The following LAMA5 variants were observed in gnomAD, a reference collection of about 807,000 sequenced individuals.
The protein encoded by LAMA5 is laminin subunit alpha 5, also known as laminin subunit alpha-5.
A neutral mutation model predicts 433.4 loss-of-function variants in LAMA5; 260 were observed. The ratio of observed to expected loss-of-function variants is 0.60; its 90% CI spans 0.54 to 0.66. The LOEUF is 0.66. Among genes scored for constraint, LAMA5 ranks in the 30% least tolerant of loss-of-function variants. The pLI, the probability that LAMA5 is intolerant of heterozygous loss-of-function variation, is 0.00. For synonymous variants in LAMA5, 2,620 were observed against 2,226.6 expected, an observed-to-expected ratio of 1.18 and a Z score of -4.97; for missense variants, 5,378 against 5,258.5, an observed-to-expected ratio of 1.02 and a Z score of -0.70.
rs1568933478 is a variant in LAMA5 at position 62,328,971 on chromosome 20, G to A, written c.4320C>T (p.Cys1440=). ...FYNNGARPCG[C]HEVGATGPTC... ...TGGGGCCTGTAGCACCTACTTCGTG[G>A]CAGCCACATGGACGGGCTCCGTTGT... is the stretch of plus-strand genomic sequence containing the variant. The change falls in exon 34 of 80, where the codon TGC becomes TGT. Residue 1440 remains cysteine, a synonymous_variant. Transcript: ENST00000252999. 1 of 1,612,430 alleles carries A rather than the reference G, an allele frequency of 6.2e-7. No homozygotes were observed. The highest frequency in any genetic ancestry group is 2.2e-5 in the East Asian group (1 of 44,872).
In LAMA5 at chr20:62,322,716, TG is replaced by T; in HGVS notation, c.6106del (p.His2036ThrfsTer11). ...CGCCTTGCACAGGCAGTGCCCGCTG[TG>T]GGGGTCGCAGGCCTCTGTCCCACAT... is the stretch of plus-strand genomic sequence containing the variant. Reference protein sequence around the residue: ...TPCGTEACDPHSGHCLCKAGV... With the variant: ...TPCGTEACDPXSGHCLCKAGV... On this transcript the variant is annotated frameshift_variant, in exon 46 of 80. Coordinates refer to ENST00000252999, the MANE Select transcript of LAMA5 (RefSeq NM_005560.6). LOFTEE classifies it high-confidence loss of function. 6.5e-7 allele frequency: 1 copy of T among 1,542,252 alleles called. No homozygotes were observed. Among genetic ancestry groups the T allele is most frequent in the South Asian group, 1.2e-5 (1 of 82,578 alleles).
chr20:62,319,471 G>T (rs1197714757), intron 51 of LAMA5, among the ~76,000 whole-genome samples: 6 of 152,172 alleles, frequency 3.9e-5, no homozygotes, highest in African/African-American at 1.4e-4. Context: ...GGCTGTCGAG[G>T]GGTCTGACGT....
In LAMA5 at chr20:62,314,440, C is replaced by G; in HGVS notation, c.8368G>C (p.Ala2790Pro). 6.2e-7 allele frequency: 1 copy of G among 1,613,334 alleles called. No homozygotes were observed. The highest frequency in any genetic ancestry group is 8.5e-7 in the Non-Finnish European group (1 of 1,179,910). The change falls in exon 62 of 80, where the codon GCC becomes CCC. Residue 2790 changes from alanine to proline, a missense_variant and splice_region_variant. Ala to Pro is a conservative substitution (Grantham distance 27, BLOSUM62 -1). Coordinates refer to ENST00000252999, the MANE Select transcript of LAMA5 (RefSeq NM_005560.6). ...GACACACCCATGTAGTCCCCAGTGGCCTGCGGCAGTGACAGACACACAGTC... is the reference window on the plus strand; with the variant it reads ...GACACACCCATGTAGTCCCCAGTGGGCTGCGGCAGTGACAGACACACAGTC... ...RFVMYMGSRQATGDYMGVSLR... is the reference protein window; with the variant it reads ...RFVMYMGSRQPTGDYMGVSLR...
intron 58 of LAMA5, 81 bp from the exon 59 acceptor site, chr20:62,315,288 C>CAGCA: frequency 8.0e-7 from 1 of 1,244,218 alleles, no homozygotes; most frequent in Non-Finnish European, 1.1e-6. Flanking sequence ...TCTGTTGGGC[C>CAGCA]AGCAACAGGG....
In LAMA5 at chr20:62,364,732, T is replaced by C. The variant is rs377056860; in HGVS notation, c.298-2180A>G. On this transcript the variant is annotated intron_variant, in intron 1 of 79. Coordinates refer to ENST00000252999, the MANE Select transcript of LAMA5 (RefSeq NM_005560.6). ...GGCTGTGAGGGCCACAACCTCCCCCTGCCCTCTGCCTGCTCCAGCTGCCCA... is the reference window on the plus strand; with the variant it reads ...GGCTGTGAGGGCCACAACCTCCCCCCGCCCTCTGCCTGCTCCAGCTGCCCA... 2.9e-3 allele frequency among the ~76,000 whole-genome samples: 441 copies of C among 152,306 alleles called. 5 individuals are homozygous for C. The highest frequency in any genetic ancestry group is 0.017 in the Middle Eastern group (5 of 294).
rs572160011 is a variant in LAMA5 at position 62,313,529 on chromosome 20, C to G, written c.8659-69G>C. 6.4e-6 allele frequency: 10 copies of G among 1,557,616 alleles called. No individual in the cohort carries two copies. The Admixed American group carries it at 1.7e-4, about 26-fold the overall frequency. ...TCCCCTCCAGGATGGACCAAGGGGA[C>G]TTCAGACTACAGCAGGACGGACTGA... is the stretch of plus-strand genomic sequence containing the variant. On this transcript the variant is annotated intron_variant, in intron 63 of 79. Transcript: ENST00000252999.
At position 62,327,887 on chromosome 20, in the gene LAMA5, G is replaced by C. The variant is rs1208206059; in HGVS notation, c.4776C>G (p.Leu1592=). 1 of 1,610,896 alleles carries C rather than the reference G, an allele frequency of 6.2e-7. No individual in the cohort carries two copies. The highest frequency in any genetic ancestry group is 2.2e-5 in the East Asian group (1 of 44,878). The stretch of plus-strand genomic sequence containing the variant: ...TCACCTTACAGTAGCACTGCCCTGT[G>C]AGGGGGTCACACACGCCAGGCGCAG... ...AGTAPGVCDP[L]TGQCYCKENV... The change falls in exon 36 of 80, where the codon CTC becomes CTG. Residue 1592 remains leucine (L), a synonymous_variant. Transcript: ENST00000252999.
chr20:62,314,354 T>C lies in LAMA5; in HGVS notation c.8454A>G (p.Leu2818=). 1 of 1,613,296 alleles carries C rather than the reference T, an allele frequency of 6.2e-7. No individual in the cohort carries two copies. The highest frequency in any genetic ancestry group is 1.1e-5 in the South Asian group (1 of 91,080). The change falls in exon 62 of 80, where the codon CTA becomes CTG. Residue 2818 remains leucine, a synonymous_variant. Transcript: ENST00000252999. The part of the protein sequence containing the change: ...YQLGEAGPAV[L]SIDEDIGEQF... ...GCTCCCCAATGTCCTCATCGATGCT[T>C]AGGACTGCAGGGCCCGCCTCACCCA...
At chr20:62,320,534 C>T (rs770711754) in intron 50 of LAMA5, 25 bp downstream of exon 50, 8 of 1,550,836 alleles carry the variant, frequency 5.2e-6, no homozygotes, top group Non-Finnish European at 5.2e-6. Flanking sequence ...CCTCCCGGGG[C>T]CCTGGGGGGT....
At chr20:62,321,745 A>AGCAGAGGG (rs1352415058) in intron 48 of LAMA5, among the ~76,000 whole-genome samples, 4 of 16,612 alleles carry the variant, frequency 2.4e-4, no homozygotes, top group Non-Finnish European at 1.1e-4. Context: ...GGGTGGGGCC[A>AGCAGAGGG]GTGGAGGGGT....
chr20:62,342,643 C>G (rs535232671), intron 11 of LAMA5, among the ~76,000 whole-genome samples: 147 of 151,982 alleles, frequency 9.7e-4, no homozygotes, highest in Non-Finnish European at 1.7e-3. Flanking sequence ...CGTGCCACTG[C>G]ACTCCAGTCT....
chr20:62,351,851 T>C (rs1984354658), intron 5 of LAMA5, 50 bp from the exon 6 acceptor site: 2 of 1,579,450 alleles, frequency 1.3e-6, no homozygotes, highest in Non-Finnish European at 1.7e-6. Context: ...TCACTCACCC[T>C]GAGTCCCGGG....
At position 62,337,930 on chromosome 20, in the gene LAMA5, A is replaced by G; in HGVS notation, c.1900T>C (p.Cys634Arg). The change falls in exon 15 of 80, where the codon TGC becomes CGC. Residue 634 changes from cysteine to arginine, a missense_variant. Physicochemically the swap from Cys to Arg is radical, Grantham distance 180. Coordinates refer to ENST00000252999, the MANE Select transcript of LAMA5 (RefSeq NM_005560.6). ...TGGTCCAGGGCTCCCCGAGGGTCGCAGGTGCATGCTGCAGAGGGACAATGG... is the reference window on the plus strand; with the variant it reads ...TGGTCCAGGGCTCCCCGAGGGTCGCGGGTGCATGCTGCAGAGGGACAATGG... ...HGFPNCQACT[C>R]DPRGALDQLC... 1 of 1,609,540 alleles carries G rather than the reference A, an allele frequency of 6.2e-7. No individual in the cohort carries two copies. Among genetic ancestry groups the G allele is most frequent in the Non-Finnish European group, 8.5e-7 (1 of 1,178,402 alleles).
chr20:62,357,118 G>A (rs1985354302), intron 2 of LAMA5, among the ~76,000 whole-genome samples: 1 of 152,176 alleles, frequency 6.6e-6, no homozygotes, highest in Non-Finnish European at 1.5e-5. Context: ...CTCCAGAGGA[G>A]GGGAGGCGGT....
intron 41 of LAMA5, chr20:62,325,084 G>A (rs1034959570): frequency 1.0e-5 from 3 of 287,270 alleles, no homozygotes; most frequent in Non-Finnish European, 2.1e-5. Flanking sequence ...GTGTGTGCAT[G>A]GAGGGGCAGG....
Position 62,329,167 on chromosome 20 carries a change from G to A in LAMA5, c.4206C>T (p.Ser1402=), listed in dbSNP as rs1313165199. The change falls in exon 33 of 80, where the codon AGC becomes AGT. Residue 1402 remains serine, a synonymous_variant. Transcript: ENST00000252999. ...EPLDKSYDFI[S]HCAAQGYHIS... The stretch of plus-strand genomic sequence containing the variant: ...TGTGGTAGCCCTGGGCTGCGCAGTG[G>A]CTGATGAAGTCATAGGATTTATCCA... 3 of 1,612,758 alleles carry A rather than the reference G, an allele frequency of 1.9e-6. No individual in the cohort carries two copies. The highest frequency in any genetic ancestry group is 2.5e-6 in the Non-Finnish European group (3 of 1,179,910).
intron 2 of LAMA5, among the ~76,000 whole-genome samples, chr20:62,354,300 C>A (rs1984821259): frequency 2.0e-5 from 3 of 151,778 alleles, no homozygotes; most frequent in African/African-American, 7.3e-5. Flanking sequence ...CCTGCTGACT[C>A]CCCTCAGGCC....
At position 62,319,679 on chromosome 20, in the gene LAMA5, C is replaced by T. The variant is rs1245169478; in HGVS notation, c.6871+5G>A. On this transcript the variant is annotated splice_donor_5th_base_variant and intron_variant, in intron 51 of 79. Transcript: ENST00000252999. ...AGCCCTGAGCCTGGCTGGGCTGGCC[C>T]CTACCGCTCAGGGTGCGGTCCACAG... 3 of 1,534,308 alleles carry T rather than the reference C, an allele frequency of 2.0e-6. No homozygotes were observed. The highest frequency in any genetic ancestry group is 1.8e-6 in the Non-Finnish European group (2 of 1,140,402).
chr20:62,351,423 G>T (rs1984268462), intron 6 of LAMA5, among the ~76,000 whole-genome samples: 1 of 152,194 alleles, frequency 6.6e-6, no homozygotes, highest in African/African-American at 2.4e-5. Flanking sequence ...GCTGGCCTGG[G>T]GGTCCGGAGA....
Sources: allele counts gnomAD v4.1 joint callset (sites outside exome capture counted in the v4.1 genomes callset), GRCh38; gene constraint gnomAD v4.1.1; transcripts MANE v1.5; gene names NCBI Gene and HGNC (gene_info 2026-07-23, HGNC 2026-07-21).